PC: variants seen among roughly 807,000 people sequenced by gnomAD.
The protein encoded by PC is pyruvate carboxylase.
A neutral mutation model predicts 107.8 loss-of-function variants in PC; 46 were observed. The ratio of observed to expected loss-of-function variants is 0.43; its 90% CI spans 0.34 to 0.55. PC has a LOEUF of 0.55. Ranked by LOEUF, PC falls within the 20% of genes least tolerant of loss-of-function variation. The pLI is 0.04. For synonymous variants in PC, 662 were observed against 684.7 expected (o/e 0.97, Z 0.52); for missense variants, 1,241 against 1,643.1 (o/e 0.76, Z 4.23).
At chr11:66,884,699 A>G (rs1047014992) in intron 3 of PC, among the ~76,000 whole-genome samples, 2 of 152,208 alleles carry the variant, frequency 1.3e-5, no homozygotes, top group South Asian at 2.1e-4. Flanking sequence ...TCCAGCCTCC[A>G]TAACTGTGAG....
intron 3 of PC, among the ~76,000 whole-genome samples, chr11:66,923,884 C>CAAAAAAAAAAAAAAAAAAA: frequency 9.0e-6 from 1 of 111,020 alleles, no homozygotes; most frequent in Non-Finnish European, 1.8e-5. Context: ...GACCTCAAGG[C>CAAAAAAAAAAAAAAAAAAA]AAAAAAAAAA....
At chr11:66,949,564 C>T (rs941139175) in intron 3 of PC, among the ~76,000 whole-genome samples, 4 of 151,888 alleles carry the variant, frequency 2.6e-5, no homozygotes, top group East Asian at 1.9e-4. Context: ...TGGTGGCGGG[C>T]GCCTGTAATC....
rs111537692 is a variant in PC, at chr11:66,871,014, G to T, written c.633+38C>A. The T allele has an allele frequency of 1.6e-5, 25 of 1,612,262 alleles. 1 individual carries two copies. In the African/African-American group the frequency reaches 1.7e-4, roughly 11 times the overall value. On this transcript the variant is annotated intron_variant, in intron 7 of 22. Transcript: ENST00000393960. This position sits in a 1 kb window ranked among gnomAD's most constrained non-coding sequence, Gnocchi z 7.4. ...TCCGCCCCTGCCCCCACGGCAGGCTGCCCTGCCCTGCTCCCAGCCCTGGGC... is the reference window on the plus strand; with the variant it reads ...TCCGCCCCTGCCCCCACGGCAGGCTTCCCTGCCCTGCTCCCAGCCCTGGGC...
intron 3 of PC, chr11:66,919,903 T>G (rs897093412): frequency 1.3e-5 from 2 of 152,180 alleles, no homozygotes; most frequent in African/African-American, 2.4e-5. Context: ...GAGGAATGCC[T>G]GGGTTTAGAA....
In PC at chr11:66,858,582, C is replaced by T. The variant is rs932773379; in HGVS notation, c.1368+5192G>A. 8 of 1,532,716 alleles carry T rather than the reference C, an allele frequency of 5.2e-6. No homozygotes were observed. Among genetic ancestry groups the T allele is most frequent in the African/African-American group, 2.7e-5 (2 of 73,034 alleles). The allele number at this position is 1,532,716 out of a possible 1,614,324, so 94.9% of individuals were successfully genotyped here. ...GCCCGAGGGCGAGTTCTCCTGTGAG[C>T]CGCCCCTCATTGCCCGCCACACGCA... is the stretch of plus-strand genomic sequence containing the variant. On this transcript the variant is annotated intron_variant, in intron 12 of 22. Transcript: ENST00000393960. This position sits in a 1 kb window ranked among gnomAD's most constrained non-coding sequence, Gnocchi z 5.9.
chr11:66,868,144 C>G (rs946446409), intron 10 of PC, among the ~76,000 whole-genome samples: 17 of 152,248 alleles, frequency 1.1e-4, no homozygotes, highest in African/African-American at 3.6e-4. Context: ...ATCCTTCAAT[C>G]AGATAATCCT....
At chr11:66,943,750 C>T (rs1466007331) in intron 3 of PC, among the ~76,000 whole-genome samples, 25 of 93,956 alleles carry the variant, frequency 2.7e-4, no homozygotes, top group African/African-American at 1.0e-3. Context: ...AGCAAGACTC[C>T]GGCTCAAAAA....
intron 3 of PC, among the ~76,000 whole-genome samples, chr11:66,918,759 G>A (rs370496571): frequency 2.6e-5 from 4 of 152,060 alleles, no homozygotes; most frequent in Non-Finnish European, 5.9e-5. Flanking sequence ...ATAAATAAAA[G>A]GCTTCCTCAC....
chr11:66,934,496 T>C (rs1385119540), intron 3 of PC: 2 of 154,172 alleles, frequency 1.3e-5, no homozygotes, highest in African/African-American at 4.8e-5. Flanking sequence ...CCTCATTTTA[T>C]AGATGAGGAA....
chr11:66,946,559 G>T (rs1949298497), intron 3 of PC, among the ~76,000 whole-genome samples: 1 of 152,138 alleles, frequency 6.6e-6, no homozygotes, highest in Non-Finnish European at 1.5e-5. Flanking sequence ...GGCGGAGGTT[G>T]CAAGTAGGCC....
At chr11:66,925,656 T>G (rs1012623390) in intron 3 of PC, among the ~76,000 whole-genome samples, 2 of 152,116 alleles carry the variant, frequency 1.3e-5, no homozygotes, top group Non-Finnish European at 2.9e-5. Flanking sequence ...ACATACATCC[T>G]CCTCAGCTTA....
At position 66,857,056 on chromosome 11, in the gene PC, G is replaced by C. The variant is rs1945893024; in HGVS notation, c.1369-3673C>G. ...CCCTCCACGTGCGTGTCCGCGGCGCGCGCGCCCGCCGGCGCGCACCCGCTC... is the reference window on the plus strand; with the variant it reads ...CCCTCCACGTGCGTGTCCGCGGCGCCCGCGCCCGCCGGCGCGCACCCGCTC... On this transcript the variant is annotated intron_variant, in intron 12 of 22. Coordinates refer to ENST00000393960, the MANE Select transcript of PC (RefSeq NM_001040716.2). This position sits in a 1 kb window ranked among gnomAD's most constrained non-coding sequence, Gnocchi z 7.1. The C allele has an allele frequency of 6.8e-6, 1 of 146,660 alleles. No homozygotes were observed. 9.1% of individuals were successfully genotyped at this position (146,660 alleles called of 1,614,324 possible).
chr11:66,956,129 C>T (rs755301355), intron 1 of PC, among the ~76,000 whole-genome samples: 1 of 152,158 alleles, frequency 6.6e-6, no homozygotes, highest in African/African-American at 2.4e-5. Context: ...CACTGACTTA[C>T]CTGCACCTTA....
chr11:66,883,373 C>T (rs890703144), intron 3 of PC, among the ~76,000 whole-genome samples: 2 of 152,202 alleles, frequency 1.3e-5, no homozygotes, highest in Non-Finnish European at 2.9e-5. Context: ...CCTGCCGACC[C>T]TGCAGCACGG....
intron 2 of PC, among the ~76,000 whole-genome samples, chr11:66,953,663 T>C (rs1449460184): frequency 1.3e-5 from 2 of 152,044 alleles, no homozygotes; most frequent in African/African-American, 4.8e-5. Flanking sequence ...CTCAAGTCAA[T>C]AAAATATTTA....
intron 3 of PC, among the ~76,000 whole-genome samples, chr11:66,909,865 T>C (rs746019): frequency 0.52 from 78,338 of 151,838 alleles, 20,542 homozygotes; most frequent in Non-Finnish European, 0.55. Flanking sequence ...ACACGGGCCA[T>C]TGTATGGTCA....
chr11:66,861,561 G>C (rs1377519834), intron 12 of PC, among the ~76,000 whole-genome samples: 1 of 145,164 alleles, frequency 6.9e-6, no homozygotes, highest in East Asian at 2.3e-4. Context: ...CGAGAGCCTG[G>C]TTTAGATGAA....
chr11:66,910,523 G>A (rs907153600), intron 3 of PC, among the ~76,000 whole-genome samples: 1 of 152,162 alleles, frequency 6.6e-6, no homozygotes, highest in African/African-American at 2.4e-5. Flanking sequence ...TAACACAAAA[G>A]ATACTAGGTG....
chr11:66,907,773 C>G (rs963718059), intron 3 of PC: 11 of 152,434 alleles, frequency 7.2e-5, no homozygotes, highest in African/African-American at 2.4e-4. Flanking sequence ...GTGGGCACCC[C>G]TACCCAGGAC....
Sources: gnomAD v4.1 joint callset for allele counts (sites outside exome capture counted in the v4.1 genomes callset) on GRCh38, gnomAD v4.1.1 for gene constraint, Gnocchi (gnomAD v3.1) non-coding constraint, MANE v1.5 for transcripts, NCBI Gene and HGNC (gene_info 2026-07-23, HGNC 2026-07-21) for gene names.